Variants in FLG2 observed in about 807,000 individuals in gnomAD.
The protein encoded by FLG2 is filaggrin 2, also known as filaggrin-2.
FLG2 carries 7 observed loss-of-function variants against 3.9 expected under a neutral mutation model. That is an observed-to-expected ratio of 1.79 (90% CI 1.02 to 3.36). The LOEUF (loss-of-function observed/expected upper bound fraction) is 3.36, where lower values mean the gene tolerates loss of function less well. FLG2 is among the 30% of genes most tolerant of loss of function. The pLI, the probability that FLG2 is intolerant of heterozygous loss-of-function variation, is 0.00. For missense variants in FLG2, 2,700 were observed against 2,809.4 expected, an observed-to-expected ratio of 0.96 and a Z score of 0.88; for synonymous variants, 1,031 against 1,056.1, an observed-to-expected ratio of 0.98 and a Z score of 0.46.
Position 152,353,824 on chromosome 1 carries a change from G to T in FLG2, c.3962C>A (p.Thr1321Asn). The T allele has an allele frequency of 6.2e-7, 1 of 1,614,110 alleles. No individual in the cohort carries two copies. The highest frequency in any genetic ancestry group is 8.5e-7 in the Non-Finnish European group (1 of 1,179,986). Residue 1321 changes from threonine to asparagine, a missense_variant, in exon 3 of 3, where the codon ACC (threonine) becomes AAC (asparagine). By Grantham distance (65) the Thr-to-Asn change is moderately conservative (BLOSUM62 0). Coordinates refer to ENST00000388718, the MANE Select transcript of FLG2 (RefSeq NM_001014342.3). ...ATGACCAGAATGGCCATGTCTAGTGGTATCTCCTCTCTGTCCATGAGTAGT... is the reference window on the plus strand; with the variant it reads ...ATGACCAGAATGGCCATGTCTAGTGTTATCTCCTCTCTGTCCATGAGTAGT... Reference protein sequence around the residue: ...QGTTHGQRGDTTRHGHSGHGQ... With the variant: ...QGTTHGQRGDNTRHGHSGHGQ...
chr1:152,352,241 C>G lies in FLG2; in HGVS notation c.5545G>C (p.Gly1849Arg), dbSNP rs370197951. ...TGTCCACTGGTATCTCCTGTCTGTC[C>G]ATGAGTAGTTCCATGTCTCTCGTCA... ...IVDERHGTTH[G>R]QTGDTSGHSQ... Residue 1849 changes from glycine to arginine, a missense_variant, in exon 3 of 3, where the codon GGA (glycine) becomes CGA (arginine). By Grantham distance (125) the Gly-to-Arg change is moderately radical. Transcript: ENST00000388718. 3 of 1,613,906 alleles carry G rather than the reference C, an allele frequency of 1.9e-6. No individual in the cohort carries two copies. In the African/African-American group the frequency reaches 4.0e-5, roughly 22 times the overall value.
At chr1:152,359,416 G>A (rs1002429842) in intron 1 of FLG2, among the ~76,000 whole-genome samples, 2 of 152,210 alleles carry the variant, frequency 1.3e-5, no homozygotes, top group African/African-American at 4.8e-5. Flanking sequence ...GGGCAAAGGG[G>A]CTCAAAATAG....
rs749546977 is a variant in FLG2 at position 152,357,139 on chromosome 1, G to A, written c.647C>T (p.Ser216Phe). 2 of 1,614,088 alleles carry A rather than the reference G, an allele frequency of 1.2e-6. No homozygotes were observed. Among genetic ancestry groups the A allele is most frequent in the Non-Finnish European group, 1.7e-6 (2 of 1,180,016 alleles). The change falls in exon 3 of 3, where the codon TCT (serine) becomes TTT (phenylalanine). Residue 216 changes from serine (S) to phenylalanine (F), a missense_variant. Ser to Phe is a radical substitution (Grantham distance 155). Transcript: ENST00000388718. Reference protein sequence around the residue: ...ERINKSHISPSRESGEEYESG... With the variant: ...ERINKSHISPFRESGEEYESG... ...TTCATACTCCTCCCCAGATTCCCTA[G>A]AAGGGCTAATGTGTGACTTGTTTAT... is the stretch of plus-strand genomic sequence containing the variant.
rs148289047 is a variant in FLG2 at position 152,355,661 on chromosome 1, G to A, written c.2125C>T (p.His709Tyr). Reference protein sequence around the residue: ...GSSQSSGYGQHGSSSGQTSGF... With the variant: ...GSSQSSGYGQYGSSSGQTSGF... ...GATGTCTGTCCTGAACTTGACCCATGTTGACCATAGCCAGATGATTGACTT... is the reference window on the plus strand; with the variant it reads ...GATGTCTGTCCTGAACTTGACCCATATTGACCATAGCCAGATGATTGACTT... Residue 709 changes from histidine (H) to tyrosine (Y), a missense_variant, in exon 3 of 3, where the codon CAT becomes TAT. Coordinates refer to ENST00000388718, the MANE Select transcript of FLG2 (RefSeq NM_001014342.3). 1.3e-5 allele frequency: 21 copies of A among 1,613,692 alleles called. No homozygotes were observed. In the Admixed American group the frequency reaches 1.3e-4, roughly 10 times the overall value.
In FLG2 at chr1:152,352,779, A is replaced by G. The variant is rs1164169412; in HGVS notation, c.5007T>C (p.His1669=). 1.2e-6 allele frequency: 2 copies of G among 1,612,136 alleles called. No homozygotes were observed. The highest frequency in any genetic ancestry group is 1.6e-4 in the Middle Eastern group (1 of 6,064). ...CAGCTTGACCATGAGTGTGTCCTGTATGTGTGTGTGAGACCCCTGAGTGCA... is the reference window on the plus strand; with the variant it reads ...CAGCTTGACCATGAGTGTGTCCTGTGTGTGTGTGTGAGACCCCTGAGTGCA... ...SEVHSGVSHT[H]TGHTHGQAGS... The change falls in exon 3 of 3, where the codon CAT becomes CAC. Residue 1669 remains histidine (H), a synonymous_variant. Coordinates refer to ENST00000388718, the MANE Select transcript of FLG2 (RefSeq NM_001014342.3).
chr1:152,354,947 C>A lies in FLG2; in HGVS notation c.2839G>T (p.Gly947Ter), dbSNP rs906932222. ...QHGSSSGQTF[G>*]FGQHRSGSGQ... is the part of the protein sequence containing the mutation. Reference sequence around the variant, plus strand: ...GAGCCTGACCTGTGTTGTCCAAATCCAAAAGTCTGTCCTGAACTTGACCCA... The same window carrying A: ...GAGCCTGACCTGTGTTGTCCAAATCAAAAAGTCTGTCCTGAACTTGACCCA... Residue 947 changes from glycine (G) to a stop codon, truncating the protein, a stop_gained, in exon 3 of 3, where the codon GGA (glycine) becomes TGA (stop). Transcript: ENST00000388718. LOFTEE classifies it low-confidence loss of function (END_TRUNC). 1 of 1,612,348 alleles carries A rather than the reference C, an allele frequency of 6.2e-7. No individual in the cohort carries two copies. The highest frequency in any genetic ancestry group is 2.2e-5 in the East Asian group (1 of 44,690).
In FLG2 at chr1:152,351,082, T is replaced by C. The variant is rs775731398; in HGVS notation, c.6704A>G (p.Tyr2235Cys). 9 of 1,595,570 alleles carry C rather than the reference T, an allele frequency of 5.6e-6. No individual in the cohort carries two copies. In the African/African-American group the frequency reaches 1.2e-4, roughly 20 times the overall value. Residue 2235 changes from tyrosine (Y) to cysteine (C), a missense_variant, in exon 3 of 3, where the codon TAT (tyrosine) becomes TGT (cysteine). Physicochemically the swap from Tyr to Cys is radical, Grantham distance 194. Coordinates refer to ENST00000388718, the MANE Select transcript of FLG2 (RefSeq NM_001014342.3). The stretch of plus-strand genomic sequence containing the variant: ...TCTCTGTGTGGATTGTCCATAACCA[T>C]AGTGGGCATGTCTAGTGGTATCTCC... ...QTGDTTRHAH[Y>C]GYGQSTQRGS... is the part of the protein sequence containing the mutation.
At chr1:152,359,265 A>G (rs1013907794) in intron 1 of FLG2, among the ~76,000 whole-genome samples, 2 of 152,104 alleles carry the variant, frequency 1.3e-5, no homozygotes, top group African/African-American at 4.8e-5. Context: ...AACCAGCCAG[A>G]CACCATTGCC....
chr1:152,358,567 G>A (rs1358547641), intron 2 of FLG2, among the ~76,000 whole-genome samples, 180 bp downstream of exon 2: 2 of 152,176 alleles, frequency 1.3e-5, no homozygotes, highest in African/African-American at 2.4e-5. Context: ...AAGTGAGGAC[G>A]AAACATTCAC....
Position 152,356,074 on chromosome 1 carries a change from C to A in FLG2, c.1712G>T (p.Gly571Val). 1 of 1,613,534 alleles carries A rather than the reference C, an allele frequency of 6.2e-7. No individual in the cohort carries two copies. The highest frequency in any genetic ancestry group is 8.5e-7 in the Non-Finnish European group (1 of 1,179,948). The change falls in exon 3 of 3, where the codon GGG becomes GTG. Residue 571 changes from glycine (G) to valine (V), a missense_variant. Gly to Val is a moderately radical substitution (Grantham distance 109). Coordinates refer to ENST00000388718, the MANE Select transcript of FLG2 (RefSeq NM_001014342.3). ...SRETSGFGQH[G>V]LGSGQSTGFG... ...GCCAGTGGATTGACCTGAGCCCAAC[C>A]CATGTTGTCCAAAGCCAGATGTCTC...
In FLG2 at chr1:152,355,716, A is replaced by C. The variant is rs1215923149; in HGVS notation, c.2070T>G (p.His690Gln). The change falls in exon 3 of 3, where the codon CAT becomes CAG. Residue 690 changes from histidine (H) to glutamine (Q), a missense_variant. Transcript: ENST00000388718. ...GFGQHESRSG[H>Q]SSYGQHGFGS... ...CAAAACCATGTTGGCCATAGCTAGA[A>C]TGACCTGATCTAGACTCATGTTGTC... 41 of 1,599,342 alleles carry C rather than the reference A, an allele frequency of 2.6e-5. No homozygotes were observed. Among genetic ancestry groups the C allele is most frequent in the African/African-American group, 2.0e-4 (14 of 70,006 alleles).
In FLG2 at chr1:152,351,585, C is replaced by T. The variant is rs764453436; in HGVS notation, c.6201G>A (p.Glu2067=). The change falls in exon 3 of 3, where the codon GAG becomes GAA. Residue 2067 remains glutamate, a synonymous_variant. Coordinates refer to ENST00000388718, the MANE Select transcript of FLG2 (RefSeq NM_001014342.3). The part of the protein sequence containing the change: ...QHGESGSSVH[E]RHGTTHGQTG... ...TCTGTCCATGAGTAGTTCCGTGTCT[C>T]TCATGAACTGAGGATCCTGACTCTC... 9 of 1,611,520 alleles carry T rather than the reference C, an allele frequency of 5.6e-6. No individual in the cohort carries two copies. The Admixed American group carries it at 1.0e-4, about 18-fold the overall frequency.
Position 152,359,972 on chromosome 1 carries a change from A to G in FLG2, c.-39T>C, listed in dbSNP as rs1654387567. 6.6e-6 allele frequency: 1 copy of G among 152,272 alleles called. No individual in the cohort carries two copies. Among genetic ancestry groups the G allele is most frequent in the Non-Finnish European group, 1.5e-5 (1 of 68,074 alleles). 9.4% of individuals were successfully genotyped at this position (152,272 alleles called of 1,614,324 possible). ...TTCTCTCACCTGGTTCACCAAAGGA[A>G]CAAGTAGGATAAAGCCTGATGCAGC... On this transcript the variant is annotated 5_prime_UTR_variant, in exon 1 of 3. Coordinates refer to ENST00000388718, the MANE Select transcript of FLG2 (RefSeq NM_001014342.3).
chr1:152,356,950 G>A lies in FLG2; in HGVS notation c.836C>T (p.Ala279Val), dbSNP rs924067568. 10 of 1,614,074 alleles carry A rather than the reference G, an allele frequency of 6.2e-6. No individual in the cohort carries two copies. Among genetic ancestry groups the A allele is most frequent in the Non-Finnish European group, 8.5e-6 (10 of 1,180,026 alleles). ...CCCACTTGAATTGCTATAACCACAT[G>A]CATGACTTCGCCTCCCACTGTCTCC... ...GSGDSGRRSHACGYSNSSGCG... is the reference protein window; with the variant it reads ...GSGDSGRRSHVCGYSNSSGCG... Residue 279 changes from alanine to valine, a missense_variant, in exon 3 of 3, where the codon GCA becomes GTA. Ala to Val is a moderately conservative substitution (Grantham distance 64, BLOSUM62 0). Transcript: ENST00000388718.
At position 152,357,238 on chromosome 1, in the gene FLG2, C is replaced by A. The variant is rs753269753; in HGVS notation, c.548G>T (p.Arg183Met). 1 of 1,614,208 alleles carries A rather than the reference C, an allele frequency of 6.2e-7. No individual in the cohort carries two copies. Among genetic ancestry groups the A allele is most frequent in the Non-Finnish European group, 8.5e-7 (1 of 1,180,038 alleles). The change falls in exon 3 of 3, where the codon AGG becomes ATG. Residue 183 changes from arginine to methionine, a missense_variant. Arg to Met is a moderately conservative substitution (Grantham distance 91, BLOSUM62 -1). Coordinates refer to ENST00000388718, the MANE Select transcript of FLG2 (RefSeq NM_001014342.3). ...ACTCCATGAATGACCACAGCTGGAC[C>A]TGTGGTATCTTTTCTGAGATCCCTC... The part of the protein sequence containing the change: ...NQEGSQKRYH[R>M]SSCGHSWSGG...
chr1:152,354,608 G>A lies in FLG2; in HGVS notation c.3178C>T (p.Gln1060Ter). ...TCATATTGTCCAAAACCAGAGGATTGTCCTGAACCAGTCCCATGTTGTCCA... is the reference window on the plus strand; with the variant it reads ...TCATATTGTCCAAAACCAGAGGATTATCCTGAACCAGTCCCATGTTGTCCA... ...GFGQHGTGSGQSSGFGQYESR... is the reference protein window; with the variant it reads ...GFGQHGTGSG The change falls in exon 3 of 3, where the codon CAA (glutamine) becomes TAA (stop). Residue 1060 changes from glutamine (Q) to a stop codon, truncating the protein, a stop_gained. Coordinates refer to ENST00000388718, the MANE Select transcript of FLG2 (RefSeq NM_001014342.3). LOFTEE classifies it low-confidence loss of function (END_TRUNC). The A allele has an allele frequency of 1.2e-6, 2 of 1,612,246 alleles. No homozygotes were observed. The highest frequency in any genetic ancestry group is 8.5e-7 in the Non-Finnish European group (1 of 1,179,602).
Position 152,357,417 on chromosome 1 carries a change from T to C in FLG2, c.369A>G (p.Pro123=). Residue 123 remains proline (P), a synonymous_variant, in exon 3 of 3, where the codon CCA becomes CCG. Coordinates refer to ENST00000388718, the MANE Select transcript of FLG2 (RefSeq NM_001014342.3). The part of the protein sequence containing the change: ...SETEEDEEDT[P]GHKSGYRHSS... ...AATGTCTGTAACCTGATTTATGTCC[T>C]GGTGTATCCTCTTCATCCTCTTCTG... The C allele has an allele frequency of 6.2e-7, 1 of 1,614,198 alleles. No individual in the cohort carries two copies. The highest frequency in any genetic ancestry group is 8.5e-7 in the Non-Finnish European group (1 of 1,180,028).
Position 152,353,991 on chromosome 1 carries a change from A to T in FLG2, c.3795T>A (p.Thr1265=). The change falls in exon 3 of 3, where the codon ACT becomes ACA. Residue 1265 remains threonine, a synonymous_variant. Transcript: ENST00000388718. ...CACTTTGGCTAGATCTTCGTCTTCT[A>T]GTTACCCTGGACCCTGTCTGTGTGG... The part of the protein sequence containing the change: ...GQSTQTGSRV[T]RRRRSSQSEN... 1 of 1,614,194 alleles carries T rather than the reference A, an allele frequency of 6.2e-7. No homozygotes were observed. The highest frequency in any genetic ancestry group is 8.5e-7 in the Non-Finnish European group (1 of 1,180,036).
chr1:152,358,670 T>A, intron 2 of FLG2, 77 bp downstream of exon 2: 1 of 1,482,258 alleles, frequency 6.7e-7, no homozygotes, highest in Non-Finnish European at 9.1e-7. Context: ...GGCTGTGCAC[T>A]TTTTAGCTGA....
Sources: gnomAD v4.1 joint callset for allele counts (sites outside exome capture counted in the v4.1 genomes callset) on GRCh38, gnomAD v4.1.1 for gene constraint, MANE v1.5 for transcripts, NCBI Gene and HGNC (gene_info 2026-07-23, HGNC 2026-07-21) for gene names.